The following RRP1B variants were observed in gnomAD, a reference collection of about 807,000 sequenced individuals.
RRP1B encodes the protein ribosomal RNA processing protein 1 homolog B.
In RRP1B, 56 loss-of-function variants were observed where a neutral mutation model predicts 80.2. That is an observed-to-expected ratio of 0.70 (90% CI 0.56 to 0.87). The LOEUF is 0.87. Ranked by LOEUF, RRP1B falls within the 40% of genes least tolerant of loss-of-function variation. RRP1B has a pLI of 0.00. For synonymous variants in RRP1B, 351 were observed against 357.6 expected (o/e 0.98, Z 0.21); for missense variants, 807 against 939.8 (o/e 0.86, Z 1.85).
intron 13 of RRP1B, 118 bp downstream of exon 13, chr21:43,688,358 A>G: frequency 8.0e-7 from 1 of 1,243,554 alleles, no homozygotes; most frequent in South Asian, 1.6e-5. Flanking sequence ...TGGACTCAGC[A>G]GCAGTTAGAA....
At position 43,686,901 on chromosome 21, in the gene RRP1B, A is replaced by G. The variant is rs922009775; in HGVS notation, c.1107A>G (p.Lys369=). 2.5e-6 allele frequency: 4 copies of G among 1,613,856 alleles called. No individual in the cohort carries two copies. In the African/African-American group the frequency reaches 4.0e-5, roughly 16 times the overall value. The change falls in exon 12 of 16, where the codon AAA becomes AAG. Residue 369 remains lysine (K), a synonymous_variant. Coordinates refer to ENST00000340648, the MANE Select transcript of RRP1B (RefSeq NM_015056.3). The part of the protein sequence containing the change: ...SQGKHKKKGN[K]LLEKTNLEKE... ...GAAAGCATAAGAAGAAAGGAAATAA[A>G]CTTTTAGAGAAAACTAACTTGGAAA...
chr21:43,662,709 C>G (rs967082595), intron 1 of RRP1B, among the ~76,000 whole-genome samples: 1 of 152,240 alleles, frequency 6.6e-6, no homozygotes, highest in African/African-American at 2.4e-5. Flanking sequence ...AATGATCACT[C>G]TCCATGGCTT....
Position 43,690,168 on chromosome 21 carries a change from G to T in RRP1B, c.1867-120G>T, listed in dbSNP as rs912051881. 5 of 1,148,110 alleles carry T rather than the reference G, an allele frequency of 4.4e-6. No individual in the cohort carries two copies. The African/African-American group carries it at 6.2e-5, about 14-fold the overall frequency. 71.1% of individuals were successfully genotyped at this position (1,148,110 alleles called of 1,614,324 possible). A position where few individuals can be genotyped will look rare whatever the true frequency, so the allele number is the denominator to read the frequency against. On this transcript the variant is annotated intron_variant, in intron 13 of 15. Transcript: ENST00000340648. ...GTCTGCAAGTGCGGTGCGGAAGACC[G>T]CGGGCCGTCGGGTGGGCTGGATCTG... is the stretch of plus-strand genomic sequence containing the variant.
At position 43,685,775 on chromosome 21, in the gene RRP1B, A is replaced by G. The variant is rs2083060777; in HGVS notation, c.995A>G (p.Gln332Arg). 2 of 1,569,802 alleles carry G rather than the reference A, an allele frequency of 1.3e-6. No individual in the cohort carries two copies. Among genetic ancestry groups the G allele is most frequent in the African/African-American group, 1.4e-5 (1 of 73,290 alleles). The change falls in exon 11 of 16, where the codon CAA becomes CGA. Residue 332 changes from glutamine to arginine, a missense_variant. Gln to Arg is a conservative substitution (Grantham distance 43). Coordinates refer to ENST00000340648, the MANE Select transcript of RRP1B (RefSeq NM_015056.3). The stretch of plus-strand genomic sequence containing the variant: ...TTTTATTTTTTTATTTTTAGATTCC[A>G]AGACCTTTCTGAAGGTGAGGCGCGC... ...KRLSKLIKKF[Q>R]DLSEGSSISQ...
At position 43,691,820 on chromosome 21, in the gene RRP1B, T is replaced by C. The variant is rs1219020144; in HGVS notation, c.2083+318T>C. The stretch of plus-strand genomic sequence containing the variant: ...CGCCATCACATCCAGCTAATTTTTG[T>C]ATTTTTAGTAAAGATGGAGTTTCAC... On this transcript the variant is annotated intron_variant, in intron 15 of 15. Coordinates refer to ENST00000340648, the MANE Select transcript of RRP1B (RefSeq NM_015056.3). This position sits in a 1 kb window ranked among gnomAD's most constrained non-coding sequence, Gnocchi z 4.2. Among the ~76,000 whole-genome samples, 1 of 152,054 alleles carries C rather than the reference T, an allele frequency of 6.6e-6. No homozygotes were observed. Among genetic ancestry groups the C allele is most frequent in the East Asian group, 1.9e-4 (1 of 5,186 alleles).
intron 13 of RRP1B, among the ~76,000 whole-genome samples, chr21:43,689,296 G>A (rs1241562255): frequency 6.6e-6 from 1 of 152,254 alleles, no homozygotes; most frequent in Non-Finnish European, 1.5e-5. Context: ...GTCACCTCTT[G>A]GTTTGCACAC....
intron 1 of RRP1B, among the ~76,000 whole-genome samples, chr21:43,661,594 C>T (rs1310863288): frequency 6.6e-6 from 1 of 152,208 alleles, no homozygotes; most frequent in Non-Finnish European, 1.5e-5. Flanking sequence ...ACTTCTGCGC[C>T]CGCATATTCC....
At chr21:43,689,027 C>T (rs910051303) in intron 13 of RRP1B, among the ~76,000 whole-genome samples, 3 of 152,256 alleles carry the variant, frequency 2.0e-5, no homozygotes, top group African/African-American at 4.8e-5. Context: ...CCACCTGCCT[C>T]GGCCTCCCAA....
At position 43,693,799 on chromosome 21, in the gene RRP1B, T is replaced by C. The variant is rs1369872270; in HGVS notation, c.*416T>C. Reference sequence around the variant, plus strand: ...TTGGTACTCATTACCGTATTCGCCGTACTAAGTTGGTTTCTGTTAGTCTTA... The same window carrying C: ...TTGGTACTCATTACCGTATTCGCCGCACTAAGTTGGTTTCTGTTAGTCTTA... On this transcript the variant is annotated 3_prime_UTR_variant, in exon 16 of 16. Transcript: ENST00000340648. This position sits in a 1 kb window ranked among gnomAD's most constrained non-coding sequence, Gnocchi z 4.1. 1 of 160,984 alleles carries C rather than the reference T, an allele frequency of 6.2e-6. No homozygotes were observed. Among genetic ancestry groups the C allele is most frequent in the Non-Finnish European group, 1.3e-5 (1 of 74,604 alleles). The allele number at this position is 160,984 out of a possible 1,614,324, so 10.0% of individuals were successfully genotyped here. A position where few individuals can be genotyped will look rare whatever the true frequency, so the allele number is the denominator to read the frequency against.
intron 2 of RRP1B, 126 bp downstream of exon 2, chr21:43,670,092 A>G: frequency 1.8e-6 from 1 of 542,688 alleles, no homozygotes; most frequent in East Asian, 3.1e-5. Flanking sequence ...TCAAGGAGTC[A>G]TTTTCGTACC....
intron 13 of RRP1B, among the ~76,000 whole-genome samples, chr21:43,689,962 A>G (rs371668959): frequency 6.6e-6 from 1 of 152,290 alleles, no homozygotes; most frequent in African/African-American, 2.4e-5. Context: ...CGATTCAGCT[A>G]CAAATGGGAG....
Position 43,673,862 on chromosome 21 carries a change from C to T in RRP1B, c.272-8C>T. 6.2e-7 allele frequency: 1 copy of T among 1,604,976 alleles called. No homozygotes were observed. The highest frequency in any genetic ancestry group is 8.5e-7 in the Non-Finnish European group (1 of 1,173,634). On this transcript the variant is annotated splice_region_variant and splice_polypyrimidine_tract_variant and intron_variant, in intron 3 of 15. Coordinates refer to ENST00000340648, the MANE Select transcript of RRP1B (RefSeq NM_015056.3). ...AGCCAAGTATTTAGAGCCTTTTGTT[C>T]ACTGCAGAACACCTGTTCATTCAGA...
chr21:43,670,101 C>T (rs2082993818), intron 2 of RRP1B, 135 bp downstream of exon 2: 1 of 510,184 alleles, frequency 2.0e-6, no homozygotes, highest in African/African-American at 1.9e-5. Flanking sequence ...CATTTTCGTA[C>T]CTCTTGTCCA....
chr21:43,691,635 T>A lies in RRP1B; in HGVS notation c.2083+133T>A, dbSNP rs1304966589. 8.8e-5 allele frequency: 50 copies of A among 568,196 alleles called. No individual in the cohort carries two copies. In the African/African-American group the frequency reaches 9.6e-4, roughly 11 times the overall value. 35.2% of individuals were successfully genotyped at this position (568,196 alleles called of 1,614,324 possible). A position where few individuals can be genotyped will look rare whatever the true frequency, so the allele number is the denominator to read the frequency against. On this transcript the variant is annotated intron_variant, in intron 15 of 15. Transcript: ENST00000340648. This position sits in a 1 kb window ranked among gnomAD's most constrained non-coding sequence, Gnocchi z 4.2. Reference sequence around the variant, plus strand: ...CTCCTCACTGCCCATTTCTTTATTTTTATTTTTTTTTTTTTTTTGAGACAG... The same window carrying A: ...CTCCTCACTGCCCATTTCTTTATTTATATTTTTTTTTTTTTTTTGAGACAG...
At chr21:43,688,721 A>C (rs2083074577) in intron 13 of RRP1B, among the ~76,000 whole-genome samples, 1 of 152,106 alleles carries the variant, frequency 6.6e-6, no homozygotes, top group Non-Finnish European at 1.5e-5. Flanking sequence ...CTTCACTAGC[A>C]GGACCACTTA....
chr21:43,676,168 T>C, intron 6 of RRP1B, 104 bp from the exon 7 acceptor site: 1 of 799,704 alleles, frequency 1.3e-6, no homozygotes, highest in South Asian at 1.7e-5. Flanking sequence ...AGGCATTGCT[T>C]GGTCTAACTC....
At chr21:43,663,828 C>T (rs1445841595) in intron 1 of RRP1B, among the ~76,000 whole-genome samples, 2 of 152,156 alleles carry the variant, frequency 1.3e-5, no homozygotes, top group Non-Finnish European at 2.9e-5. Flanking sequence ...TCCCAAAGTG[C>T]TGGGATTACA....
intron 3 of RRP1B, among the ~76,000 whole-genome samples, chr21:43,673,333 T>C (rs2083007379): frequency 6.6e-6 from 1 of 152,134 alleles, no homozygotes; most frequent in Admixed American, 6.5e-5. Context: ...TCTGTTTTTA[T>C]TTAAATTCAA....
Position 43,672,307 on chromosome 21 carries a change from G to A in RRP1B, c.214-1G>A. 1 of 1,614,110 alleles carries A rather than the reference G, an allele frequency of 6.2e-7. No individual in the cohort carries two copies. Among genetic ancestry groups the A allele is most frequent in the Non-Finnish European group, 8.5e-7 (1 of 1,179,982 alleles). ...GTTTCTCCCCAACCCCGCCTCTGCA[G>A]GAAGAGCTCGCCAACACCATTGCAC... On this transcript the variant is annotated splice_acceptor_variant, in intron 2 of 15. Transcript: ENST00000340648. LOFTEE classifies it high-confidence loss of function.
Sources: allele counts gnomAD v4.1 joint callset (sites outside exome capture counted in the v4.1 genomes callset), GRCh38; gene constraint gnomAD v4.1.1; non-coding constraint Gnocchi (gnomAD v3.1); transcripts MANE v1.5; gene names NCBI Gene and HGNC (gene_info 2026-07-23, HGNC 2026-07-21).